ITFG1: variants seen among roughly 807,000 people sequenced by gnomAD.
ITFG1 encodes T-cell immunomodulatory protein.
Under a neutral mutation model 81.8 loss-of-function variants are expected in ITFG1, and 34 were observed. The ratio of observed to expected loss-of-function variants is 0.42; its 90% confidence interval spans 0.32 to 0.55. The LOEUF is 0.55. ITFG1 is among the 20% of genes least tolerant of loss of function. ITFG1 has a pLI of 0.17. For synonymous variants in ITFG1, 285 were observed against 270.6 expected (o/e 1.05, Z -0.52); for missense variants, 672 against 755.4 (o/e 0.89, Z 1.29).
At chr16:47,261,637 T>C (rs1966210405) in intron 10 of ITFG1, among the ~76,000 whole-genome samples, 2 of 152,218 alleles carry the variant, frequency 1.3e-5, no homozygotes, top group Non-Finnish European at 2.9e-5. Flanking sequence ...TGATACGGCC[T>C]AAATTTTATT....
intron 12 of ITFG1, among the ~76,000 whole-genome samples, chr16:47,242,946 T>A (rs1965953041): frequency 6.6e-6 from 1 of 152,190 alleles, no homozygotes; most frequent in South Asian, 2.1e-4. Flanking sequence ...TTTACTGTGT[T>A]AAAATTTATA....
intron 14 of ITFG1, among the ~76,000 whole-genome samples, chr16:47,206,676 C>T (rs1171313966): frequency 6.6e-6 from 1 of 152,206 alleles, no homozygotes; most frequent in Non-Finnish European, 1.5e-5. Flanking sequence ...ATTCAAGGTT[C>T]TTCCTCAGAT....
chr16:47,448,597 T>A (rs1451055521), intron 5 of ITFG1: 1 of 148,912 alleles, frequency 6.7e-6, no homozygotes, highest in African/African-American at 2.5e-5. Flanking sequence ...AGTACGTGAG[T>A]CAGAAAATTT....
intron 6 of ITFG1, among the ~76,000 whole-genome samples, chr16:47,406,719 G>A (rs1596962623): frequency 6.6e-6 from 1 of 152,232 alleles, no homozygotes; most frequent in Non-Finnish European, 1.5e-5. Flanking sequence ...GCAGGTGAAA[G>A]GGCTTTGAAG....
intron 12 of ITFG1, among the ~76,000 whole-genome samples, chr16:47,250,463 T>C (rs1285262317): frequency 6.6e-6 from 1 of 151,812 alleles, no homozygotes; most frequent in Non-Finnish European, 1.5e-5. Context: ...AATAAAAAAA[T>C]GGTAAGTATG....
At chr16:47,266,448 C>G (rs1332797300) in intron 10 of ITFG1, among the ~76,000 whole-genome samples, 2 of 152,174 alleles carry the variant, frequency 1.3e-5, no homozygotes, top group African/African-American at 2.4e-5. Flanking sequence ...GAACTCCTGA[C>G]TTCAAGTGAT....
chr16:47,271,144 T>C (rs1440390516), intron 10 of ITFG1, among the ~76,000 whole-genome samples: 1 of 152,068 alleles, frequency 6.6e-6, no homozygotes, highest in Non-Finnish European at 1.5e-5. Flanking sequence ...CATCATCAAG[T>C]TTGTGCTTCA....
intron 6 of ITFG1, among the ~76,000 whole-genome samples, chr16:47,386,695 C>A (rs915988285): frequency 3.9e-5 from 6 of 152,212 alleles, no homozygotes; most frequent in Non-Finnish European, 8.8e-5. Flanking sequence ...GATCCTAAAG[C>A]AGGGATGCCT....
intron 16 of ITFG1, 44 bp from the exon 17 acceptor site, chr16:47,159,034 A>T: frequency 9.2e-7 from 1 of 1,088,306 alleles, no homozygotes; most frequent in Non-Finnish European, 1.3e-6. Flanking sequence ...AATTTTATTT[A>T]AAAATAACAA....
chr16:47,230,658 G>A (rs1220440507), intron 13 of ITFG1, among the ~76,000 whole-genome samples: 1 of 152,200 alleles, frequency 6.6e-6, no homozygotes, highest in Non-Finnish European at 1.5e-5. Context: ...AGCACAGCTG[G>A]CACGCTGATT....
intron 10 of ITFG1, among the ~76,000 whole-genome samples, chr16:47,306,474 C>T (rs1341798443): frequency 6.6e-6 from 1 of 151,920 alleles, no homozygotes; most frequent in East Asian, 1.9e-4. Flanking sequence ...CTTTAAGATA[C>T]CTTTCTAAAT....
chr16:47,419,335 C>T (rs550585065), intron 6 of ITFG1, among the ~76,000 whole-genome samples: 4 of 152,002 alleles, frequency 2.6e-5, no homozygotes, highest in Non-Finnish European at 5.9e-5. Context: ...GTGGCATAAT[C>T]ATTGCTCACT....
At chr16:47,246,062 C>A (rs945664402) in intron 12 of ITFG1, among the ~76,000 whole-genome samples, 4 of 152,172 alleles carry the variant, frequency 2.6e-5, no homozygotes, top group Admixed American at 2.0e-4. Context: ...TCTTGGTTAG[C>A]ATAGTCTAGA....
chr16:47,212,923 T>C (rs1161304196), intron 14 of ITFG1, among the ~76,000 whole-genome samples: 3 of 152,180 alleles, frequency 2.0e-5, no homozygotes, highest in African/African-American at 7.2e-5. Context: ...CTTCTGCTCT[T>C]ATTTATTTCC....
At chr16:47,358,150 T>C (rs1339467508) in intron 8 of ITFG1, among the ~76,000 whole-genome samples, 1 of 152,244 alleles carries the variant, frequency 6.6e-6, no homozygotes, top group East Asian at 1.9e-4. Flanking sequence ...CTCACCACTT[T>C]GGGTGCTTTG....
At chr16:47,270,094 A>T (rs1016630759) in intron 10 of ITFG1, among the ~76,000 whole-genome samples, 1 of 152,198 alleles carries the variant, frequency 6.6e-6, no homozygotes, top group Non-Finnish European at 1.5e-5. Context: ...TGGATCACAG[A>T]CCTAAATTGT....
At chr16:47,379,415 C>T (rs1414612796) in intron 6 of ITFG1, among the ~76,000 whole-genome samples, 2 of 152,120 alleles carry the variant, frequency 1.3e-5, no homozygotes, top group Admixed American at 6.5e-5. Context: ...GGACTGGGCA[C>T]GGTGGCTCAC....
intron 10 of ITFG1, among the ~76,000 whole-genome samples, chr16:47,278,803 A>G (rs1013661913): frequency 6.6e-6 from 1 of 152,186 alleles, no homozygotes; most frequent in Admixed American, 6.5e-5. Flanking sequence ...ATTATCAGCT[A>G]ATAGGAATTA....
chr16:47,357,546 C>T (rs998052115), intron 8 of ITFG1, among the ~76,000 whole-genome samples: 4 of 143,392 alleles, frequency 2.8e-5, no homozygotes, highest in South Asian at 2.2e-4. Flanking sequence ...ACCTGGGAGG[C>T]GGAGCTTTCA....
Sources: allele counts gnomAD v4.1 joint callset (sites outside exome capture counted in the v4.1 genomes callset), GRCh38; gene constraint gnomAD v4.1.1; transcripts MANE v1.5; gene names NCBI Gene and HGNC (gene_info 2026-07-23, HGNC 2026-07-21).